SHOC1: variants seen among roughly 807,000 people sequenced by gnomAD.
SHOC1 encodes shortage in chiasmata 1.
SHOC1 carries 136 observed loss-of-function variants against 179.2 expected under a neutral mutation model. The observed-to-expected ratio is 0.76, with a 90% CI of 0.66 to 0.87. The LOEUF (loss-of-function observed/expected upper bound fraction) is 0.87. Ranked by LOEUF, SHOC1 falls within the 40% of genes least tolerant of loss-of-function variation. The pLI is 0.00. For synonymous variants in SHOC1, 489 were observed against 586.6 expected, an observed-to-expected ratio of 0.83 and a Z score of 2.41; for missense variants, 1,538 against 1,700.8, an observed-to-expected ratio of 0.90 and a Z score of 1.68.
Position 111,702,225 on chromosome 9 carries a change from T to A in SHOC1, c.2969A>T (p.Asp990Val). 7.1e-7 allele frequency: 1 copy of A among 1,416,392 alleles called. No homozygotes were observed. The highest frequency in any genetic ancestry group is 9.9e-7 in the Non-Finnish European group (1 of 1,013,318). 87.7% of individuals were successfully genotyped at this position (1,416,392 alleles called of 1,614,324 possible). ...IDEHTAIILQ[D>V]LEELNYEKAS... ...CTTCTCATAATTCAATTCTTCTAGA[T>A]CCTATCAGAAAATAAAGAAAATGTA... is the stretch of plus-strand genomic sequence containing the variant. The change falls in exon 23 of 28, where the codon GAT (aspartate) becomes GTT (valine). Residue 990 changes from aspartate (D) to valine (V), a missense_variant and splice_region_variant. Coordinates refer to ENST00000682961, the MANE Select transcript of SHOC1 (RefSeq NM_001378211.1).
intron 18 of SHOC1, among the ~76,000 whole-genome samples, chr9:111,708,782 A>C (rs1255828222): frequency 6.6e-6 from 1 of 152,182 alleles, no homozygotes; most frequent in African/African-American, 2.4e-5. Context: ...AAATATAATA[A>C]ATTTCAAAAT....
intron 4 of SHOC1, among the ~76,000 whole-genome samples, chr9:111,776,858 C>G (rs1396922321): frequency 6.6e-6 from 1 of 152,200 alleles, no homozygotes; most frequent in East Asian, 1.9e-4. Flanking sequence ...TCACCTTGCC[C>G]GCTGCCTAGA....
Position 111,718,262 on chromosome 9 carries a change from A to T in SHOC1, c.2158T>A (p.Phe720Ile). The change falls in exon 16 of 28, where the codon TTC becomes ATC. Residue 720 changes from phenylalanine (F) to isoleucine (I), a missense_variant. By Grantham distance (21) the Phe-to-Ile change is conservative. Coordinates refer to ENST00000682961, the MANE Select transcript of SHOC1 (RefSeq NM_001378211.1). ...AGATGTAAGAGAGCGGCATGCTTGA[A>T]AGTCATTTCTCTTTCATCAATTGTA... ...QGTIDEREMT[F>I]KHAALLHLLV... 1 of 1,596,118 alleles carries T rather than the reference A, an allele frequency of 6.3e-7. No individual in the cohort carries two copies. Among genetic ancestry groups the T allele is most frequent in the Non-Finnish European group, 8.5e-7 (1 of 1,174,032 alleles).
intron 27 of SHOC1, among the ~76,000 whole-genome samples, chr9:111,690,145 C>T (rs963845943): frequency 6.6e-6 from 1 of 152,080 alleles, no homozygotes; most frequent in African/African-American, 2.4e-5. Context: ...TCTCTTAGGC[C>T]GGGCCAGGTG....
chr9:111,694,104 C>G, intron 25 of SHOC1, 127 bp downstream of exon 25: 1 of 1,140,428 alleles, frequency 8.8e-7, no homozygotes, highest in Non-Finnish European at 1.2e-6. Context: ...CAGATTAAAA[C>G]TTTTGTTATT....
intron 27 of SHOC1, among the ~76,000 whole-genome samples, chr9:111,689,156 C>T (rs985900428): frequency 6.6e-6 from 1 of 151,764 alleles, no homozygotes; most frequent in African/African-American, 2.4e-5. Flanking sequence ...AAGGCTGAGG[C>T]AGGCGGATTG....
chr9:111,693,639 G>A (rs946739863), intron 26 of SHOC1, among the ~76,000 whole-genome samples, 160 bp downstream of exon 26: 1 of 151,802 alleles, frequency 6.6e-6, no homozygotes, highest in Non-Finnish European at 1.5e-5. Flanking sequence ...CTAATGAAAC[G>A]TCTATATGAA....
chr9:111,694,203 A>G, intron 25 of SHOC1, 28 bp downstream of exon 25: 1 of 1,556,750 alleles, frequency 6.4e-7, no homozygotes, highest in Non-Finnish European at 8.7e-7. Flanking sequence ...CTTTGCAATT[A>G]TCTATTTTAC....
At chr9:111,758,275 T>C in intron 6 of SHOC1, 80 bp from the exon 7 acceptor site, 1 of 749,614 alleles carries the variant, frequency 1.3e-6, no homozygotes, top group Non-Finnish European at 2.1e-6. Context: ...ACATAATCAT[T>C]AAAATTAAAG....
In SHOC1 at chr9:111,722,528, T is replaced by A; in HGVS notation, c.2012A>T (p.Asn671Ile). The A allele has an allele frequency of 6.2e-7, 1 of 1,609,234 alleles. No individual in the cohort carries two copies. The highest frequency in any genetic ancestry group is 8.5e-7 in the Non-Finnish European group (1 of 1,179,024). The change falls in exon 15 of 28, where the codon AAC becomes ATC. Residue 671 changes from asparagine (N) to isoleucine (I), a missense_variant. Physicochemically the swap from Asn to Ile is moderately radical, Grantham distance 149. Transcript: ENST00000682961. The stretch of plus-strand genomic sequence containing the variant: ...AGGGAGGGTACACAAGGATACAAGG[T>A]TTTTTAAGATAGGAGAAGCTGCTGC... ...LEAAASPILK[N>I]LVSLCTLPTA...
chr9:111,738,420 T>G lies in SHOC1; in HGVS notation c.1277A>C (p.Glu426Ala). The change falls in exon 12 of 28, where the codon GAG (glutamate) becomes GCG (alanine). Residue 426 changes from glutamate (E) to alanine (A), a missense_variant. Transcript: ENST00000682961. ...ATTTAGTCCTGCTTGTTTCCACCAC[T>G]CTGCCTTTTCCAGATTAATCACAAG... ...ESLVINLEKA[E>A]WWKQAGLNLK... 3 of 1,612,686 alleles carry G rather than the reference T, an allele frequency of 1.9e-6. No individual in the cohort carries two copies. The highest frequency in any genetic ancestry group is 2.5e-6 in the Non-Finnish European group (3 of 1,179,478).
At chr9:111,768,228 AT>A (rs34176159) in intron 5 of SHOC1, among the ~76,000 whole-genome samples, 189 of 142,600 alleles carry the variant, frequency 1.3e-3, no homozygotes, top group East Asian at 1.8e-3. Context: ...TGTATGTTAA[AT>A]TTTTTTTTTT....
intron 18 of SHOC1, among the ~76,000 whole-genome samples, chr9:111,711,174 G>C (rs1003393451): frequency 1.3e-5 from 2 of 152,164 alleles, no homozygotes; most frequent in African/African-American, 4.8e-5. Flanking sequence ...ATAAAGAACA[G>C]AGAGAAATGC....
intron 12 of SHOC1, among the ~76,000 whole-genome samples, chr9:111,729,388 A>G (rs1435601078): frequency 6.6e-6 from 1 of 152,144 alleles, no homozygotes; most frequent in East Asian, 1.9e-4. Context: ...ATTACAGGTG[A>G]AAGCCACTGT....
chr9:111,761,333 C>T (rs1020702031), intron 5 of SHOC1, among the ~76,000 whole-genome samples: 1 of 152,126 alleles, frequency 6.6e-6, no homozygotes, highest in Non-Finnish European at 1.5e-5. Context: ...GAAACCCCCT[C>T]TCTACTAAAA....
intron 5 of SHOC1, among the ~76,000 whole-genome samples, chr9:111,773,799 GAT>G (rs1457331365): frequency 1.3e-5 from 2 of 152,018 alleles, no homozygotes; most frequent in African/African-American, 4.8e-5. Context: ...ATGTTTTAAA[GAT>G]ATATGTGTTT....
At chr9:111,776,012 C>T (rs1445106848) in intron 4 of SHOC1, 37 bp from the exon 5 acceptor site, 1 of 1,530,712 alleles carries the variant, frequency 6.5e-7, no homozygotes, top group Non-Finnish European at 8.9e-7. Context: ...TATGTATGTC[C>T]TATTTTAAAA....
At chr9:111,699,581 G>A (rs1367115650) in intron 24 of SHOC1, among the ~76,000 whole-genome samples, 2 of 152,142 alleles carry the variant, frequency 1.3e-5, no homozygotes, top group African/African-American at 2.4e-5. Context: ...GGAAGAGACT[G>A]ATTAGAGATC....
rs761787331 is a variant in SHOC1 at position 111,714,607 on chromosome 9, T to G, written c.2253A>C (p.Ala751=). The G allele has an allele frequency of 1.2e-6, 2 of 1,610,244 alleles. No homozygotes were observed. Among genetic ancestry groups the G allele is most frequent in the Admixed American group, 3.4e-5 (2 of 59,050 alleles). The change falls in exon 17 of 28, where the codon GCA becomes GCC. Residue 751 remains alanine (A), a synonymous_variant. Coordinates refer to ENST00000682961, the MANE Select transcript of SHOC1 (RefSeq NM_001378211.1). The stretch of plus-strand genomic sequence containing the variant: ...CTAAAATGCTGTTGTAGATATCTTT[T>G]GCCTTCGACAAATATCCTATTGAAG... ...LDTALGYLSK[A]KDIYNSILGP... is the part of the protein sequence containing the mutation.
Sources: gnomAD v4.1 joint callset for allele counts (sites outside exome capture counted in the v4.1 genomes callset) on GRCh38, gnomAD v4.1.1 for gene constraint, MANE v1.5 for transcripts, NCBI Gene and HGNC (gene_info 2026-07-23, HGNC 2026-07-21) for gene names.